The following CDK8 variants were observed in gnomAD, a reference collection of about 807,000 sequenced individuals.
CDK8 encodes cyclin-dependent kinase 8.
A neutral mutation model predicts 71.5 loss-of-function variants in CDK8; 29 were observed. That is an observed-to-expected ratio of 0.41 (90% CI 0.30 to 0.55). CDK8 has a LOEUF of 0.55. Among genes scored for constraint, CDK8 ranks in the 20% least tolerant of loss-of-function variants. The pLI is 0.37. For synonymous variants in CDK8, 161 were observed against 192.1 expected, an observed-to-expected ratio of 0.84 and a Z score of 1.34; for missense variants, 288 against 572.6, an observed-to-expected ratio of 0.50 and a Z score of 5.07.
intron 1 of CDK8, among the ~76,000 whole-genome samples, chr13:26,268,256 AACACACACACAC>A (rs3027999): frequency 0.027 from 3,199 of 116,748 alleles, 78 homozygotes; most frequent in Admixed American, 0.042. Context: ...CCCCTCCCCC[AACACACACACAC>A]ACACACACAC....
Position 26,353,781 on chromosome 13 carries a change from G to T in CDK8, c.357G>T (p.Lys119Asn). The T allele has an allele frequency of 6.2e-7, 1 of 1,613,342 alleles. No individual in the cohort carries two copies. Among genetic ancestry groups the T allele is most frequent in the South Asian group, 1.1e-5 (1 of 91,026 alleles). Residue 119 changes from lysine to asparagine, a missense_variant, in exon 4 of 13, where the codon AAG (lysine) becomes AAT (asparagine). This residue lies in a region of CDK8 where 95 missense variants were observed against 177.3 expected (regional missense o/e 0.54). Transcript: ENST00000381527. ...KFHRASKANK[K>N]PVQLPRGMVK... ...ACAGAGCTTCTAAAGCAAACAAGAA[G>T]CCAGTTCAGTTACCTCGGGGAATGG...
At chr13:26,385,762 A>C (rs1875447402) in intron 6 of CDK8, among the ~76,000 whole-genome samples, 1 of 152,124 alleles carries the variant, frequency 6.6e-6, no homozygotes, top group Non-Finnish European at 1.5e-5. Flanking sequence ...AAAAAATAAA[A>C]GTAAGAGCAA....
At chr13:26,328,190 A>G (rs1194477868) in intron 1 of CDK8, among the ~76,000 whole-genome samples, 2 of 152,164 alleles carry the variant, frequency 1.3e-5, no homozygotes, top group East Asian at 1.9e-4. Context: ...TCAGCATGCA[A>G]TGGCAGTTGT....
At chr13:26,266,464 T>C (rs901861373) in intron 1 of CDK8, among the ~76,000 whole-genome samples, 1 of 151,884 alleles carries the variant, frequency 6.6e-6, no homozygotes, top group African/African-American at 2.4e-5. Context: ...AACCGTGGAG[T>C]GTACAGCTTA....
intron 1 of CDK8, among the ~76,000 whole-genome samples, chr13:26,285,096 G>A (rs1338814077): frequency 7.2e-5 from 11 of 152,038 alleles, no homozygotes; most frequent in East Asian, 1.9e-4. Flanking sequence ...AAAGTTAGCC[G>A]GGCGTGGTGG....
intron 1 of CDK8, among the ~76,000 whole-genome samples, chr13:26,287,468 A>G (rs192358934): frequency 1.3e-5 from 2 of 152,310 alleles, no homozygotes; most frequent in African/African-American, 4.8e-5. Flanking sequence ...GTAACTCAGG[A>G]ATGGAAAACC....
At chr13:26,296,256 A>C (rs1873556919) in intron 1 of CDK8, among the ~76,000 whole-genome samples, 1 of 152,170 alleles carries the variant, frequency 6.6e-6, no homozygotes, top group South Asian at 2.1e-4. Context: ...ATCTTCCCCT[A>C]AGACAGACAA....
At chr13:26,368,226 A>G (rs146550447) in intron 4 of CDK8, among the ~76,000 whole-genome samples, 189 of 151,810 alleles carry the variant, frequency 1.2e-3, no homozygotes, top group African/African-American at 4.5e-3. Context: ...TGTCACCACT[A>G]CTCTAATTCA....
At chr13:26,281,330 A>G (rs962239473) in intron 1 of CDK8, among the ~76,000 whole-genome samples, 2 of 152,220 alleles carry the variant, frequency 1.3e-5, no homozygotes, top group African/African-American at 4.8e-5. Context: ...AGACATTTGC[A>G]AGTACCAGCT....
intron 1 of CDK8, among the ~76,000 whole-genome samples, chr13:26,312,245 T>A (rs1428419354): frequency 6.6e-6 from 1 of 152,204 alleles, no homozygotes; most frequent in East Asian, 1.9e-4. Flanking sequence ...ATCAGCAGAA[T>A]GTGGGTGGGG....
At chr13:26,309,827 G>A (rs943606694) in intron 1 of CDK8, among the ~76,000 whole-genome samples, 9 of 151,398 alleles carry the variant, frequency 5.9e-5, no homozygotes, top group East Asian at 1.9e-4. Flanking sequence ...TCGCTCTGTC[G>A]CCCAGGCTGA....
intron 1 of CDK8, among the ~76,000 whole-genome samples, chr13:26,274,554 C>A (rs1455103274): frequency 1.3e-5 from 2 of 151,838 alleles, no homozygotes; most frequent in Non-Finnish European, 2.9e-5. Flanking sequence ...GCCTCAGCCT[C>A]CCGAGTAGCT....
intron 1 of CDK8, among the ~76,000 whole-genome samples, chr13:26,305,503 C>T (rs1330524420): frequency 2.0e-5 from 3 of 152,126 alleles, no homozygotes; most frequent in Admixed American, 2.0e-4. Flanking sequence ...TTAGAAAATT[C>T]TTAGTCACTG....
At chr13:26,396,381 G>A in intron 8 of CDK8, 27 bp downstream of exon 8, 2 of 1,154,812 alleles carry the variant, frequency 1.7e-6, no homozygotes, top group Non-Finnish European at 2.5e-6. Context: ...GAGACTCCTT[G>A]TTGATTTTTG....
At chr13:26,352,502 C>A (rs1873725077) in intron 3 of CDK8, among the ~76,000 whole-genome samples, 1 of 152,174 alleles carries the variant, frequency 6.6e-6, no homozygotes, top group African/African-American at 2.4e-5. Flanking sequence ...AGGCGTGAGC[C>A]ACCATGCCCG....
intron 1 of CDK8, among the ~76,000 whole-genome samples, chr13:26,295,307 C>T (rs1455008696): frequency 1.3e-5 from 2 of 151,888 alleles, no homozygotes; most frequent in South Asian, 2.1e-4. Flanking sequence ...CTTGGGCTTC[C>T]CTGTTGACCA....
intron 1 of CDK8, among the ~76,000 whole-genome samples, chr13:26,281,059 A>G (rs1007131647): frequency 6.6e-6 from 1 of 152,260 alleles, no homozygotes. Context: ...AACTCATGAC[A>G]GAATAGCCCT....
intron 1 of CDK8, among the ~76,000 whole-genome samples, chr13:26,274,190 A>G (rs1380484532): frequency 6.6e-6 from 1 of 151,740 alleles, no homozygotes; most frequent in Non-Finnish European, 1.5e-5. Context: ...ATTTTCTCCT[A>G]GAAGGTTTGA....
chr13:26,316,858 ACC>A (rs1351618646), intron 1 of CDK8, among the ~76,000 whole-genome samples: 3 of 152,212 alleles, frequency 2.0e-5, no homozygotes, highest in African/African-American at 4.8e-5. Context: ...CTTGAAAAAG[ACC>A]TGATGGCAGG....
Sources: allele counts gnomAD v4.1 joint callset (sites outside exome capture counted in the v4.1 genomes callset), GRCh38; gene constraint gnomAD v4.1.1; regional missense constraint gnomAD v4.1.1; transcripts MANE v1.5; gene names NCBI Gene and HGNC (gene_info 2026-07-23, HGNC 2026-07-21).